ROBO1: variants seen among roughly 807,000 people sequenced by gnomAD.
ROBO1 encodes roundabout homolog 1.
In ROBO1, 149 loss-of-function variants were observed where a neutral mutation model predicts 195.9. The ratio of observed to expected loss-of-function variants is 0.76; its 90% CI spans 0.67 to 0.87. The LOEUF is 0.87. Among genes scored for constraint, ROBO1 ranks in the 40% least tolerant of loss-of-function variants. The probability of loss-of-function intolerance (pLI) is 0.00; values close to 1 mark genes in which losing one functional copy is unlikely to be tolerated. For synonymous variants in ROBO1, 816 were observed against 733.2 expected (o/e 1.11, Z -1.82); for missense variants, 1,933 against 2,068.3 (o/e 0.93, Z 1.27).
chr3:79,284,556 C>T (rs1022983062), intron 2 of ROBO1, among the ~76,000 whole-genome samples: 2 of 152,060 alleles, frequency 1.3e-5, no homozygotes, highest in African/African-American at 4.8e-5. Context: ...AGTCAAAATA[C>T]TTCGTAGTAT....
intron 2 of ROBO1, among the ~76,000 whole-genome samples, chr3:79,398,986 C>T (rs1393451883): frequency 1.3e-5 from 2 of 151,902 alleles, no homozygotes; most frequent in African/African-American, 4.8e-5. Flanking sequence ...GAGTGAATGC[C>T]TGTCTTAAGG....
intron 10 of ROBO1, among the ~76,000 whole-genome samples, chr3:78,681,893 A>AAAT (rs539768861): frequency 4.6e-5 from 7 of 152,080 alleles, no homozygotes; most frequent in Non-Finnish European, 8.8e-5. Flanking sequence ...CTCAGTCTCA[A>AAAT]AATAAAAAAG....
chr3:79,037,131 G>C (rs1183443206), intron 3 of ROBO1, among the ~76,000 whole-genome samples: 2 of 152,158 alleles, frequency 1.3e-5, no homozygotes, highest in East Asian at 3.9e-4. Flanking sequence ...AAATAGGGTG[G>C]ACACAGTTGG....
At chr3:79,385,857 G>A (rs2106661726) in intron 2 of ROBO1, among the ~76,000 whole-genome samples, 1 of 152,182 alleles carries the variant, frequency 6.6e-6, no homozygotes, top group Non-Finnish European at 1.5e-5. Flanking sequence ...AAATGGTATA[G>A]GCTATAATAA....
intron 2 of ROBO1, among the ~76,000 whole-genome samples, chr3:79,145,402 CACAGACAT>C (rs1226127410): frequency 2.7e-5 from 4 of 148,158 alleles, no homozygotes; most frequent in Non-Finnish European, 4.5e-5. Context: ...CACACACACA[CACAGACAT>C]AAATAACAGT....
intron 1 of ROBO1, among the ~76,000 whole-genome samples, chr3:79,612,962 A>T (rs1371310310): frequency 5.4e-5 from 2 of 36,710 alleles, no homozygotes; most frequent in Non-Finnish European, 1.2e-4. Flanking sequence ...AAACATAAAA[A>T]TCATGTAGTA....
chr3:79,604,984 G>C (rs953996811), intron 1 of ROBO1, among the ~76,000 whole-genome samples: 1 of 151,938 alleles, frequency 6.6e-6, no homozygotes, highest in Non-Finnish European at 1.5e-5. Flanking sequence ...AAGAAGAGTT[G>C]TCTCTACTCA....
chr3:79,237,890 A>G (rs976737878), intron 2 of ROBO1, among the ~76,000 whole-genome samples: 12 of 152,204 alleles, frequency 7.9e-5, no homozygotes, highest in South Asian at 2.1e-4. Flanking sequence ...AACACTCAGC[A>G]GCTCATATTG....
chr3:79,400,469 G>T (rs1321424704), intron 2 of ROBO1, among the ~76,000 whole-genome samples: 1 of 151,902 alleles, frequency 6.6e-6, no homozygotes, highest in Non-Finnish European at 1.5e-5. Context: ...CCCCCATCAC[G>T]CAAATCATGT....
chr3:79,106,903 T>G (rs1469053490), intron 3 of ROBO1, among the ~76,000 whole-genome samples: 1 of 151,612 alleles, frequency 6.6e-6, no homozygotes, highest in Non-Finnish European at 1.5e-5. Context: ...CTTCAAATAT[T>G]CCTCCCTACT....
At chr3:79,591,628 G>A (rs1944001930) in intron 1 of ROBO1, among the ~76,000 whole-genome samples, 1 of 151,766 alleles carries the variant, frequency 6.6e-6, no homozygotes, top group Admixed American at 6.6e-5. Flanking sequence ...TATAAACCTA[G>A]ATTAATATTT....
At chr3:79,564,380 CAT>C (rs1410909018) in intron 2 of ROBO1, among the ~76,000 whole-genome samples, 3 of 151,964 alleles carry the variant, frequency 2.0e-5, no homozygotes, top group African/African-American at 7.2e-5. Flanking sequence ...AGGCAGTAAT[CAT>C]ATGTCATCCC....
At chr3:78,842,130 C>T (rs112475696) in intron 4 of ROBO1, among the ~76,000 whole-genome samples, 3 of 135,362 alleles carry the variant, frequency 2.2e-5, no homozygotes, top group East Asian at 2.4e-4. Context: ...CAGAATGAAT[C>T]GCCAATTTGT....
intron 2 of ROBO1, among the ~76,000 whole-genome samples, chr3:79,407,072 C>T (rs1196248661): frequency 1.3e-5 from 2 of 152,054 alleles, no homozygotes; most frequent in African/African-American, 2.4e-5. Flanking sequence ...GCACCAGCTA[C>T]CATGCCTTGC....
intron 2 of ROBO1, among the ~76,000 whole-genome samples, chr3:79,226,908 G>A (rs1184668095): frequency 5.3e-5 from 8 of 151,844 alleles, no homozygotes; most frequent in South Asian, 2.1e-4. Context: ...TCTTCCTTCC[G>A]GTTATAACAA....
At position 78,661,116 on chromosome 3, in the gene ROBO1, A is replaced by T; in HGVS notation, c.2234T>A (p.Val745Asp). Reference sequence around the variant, plus strand: ...AGGGCGAGCCTTAATTTCATAGTTGACTCCCTTTCTGAGATCAGGGATTAC... The same window carrying T: ...AGGGCGAGCCTTAATTTCATAGTTGTCTCCCTTTCTGAGATCAGGGATTAC... ...SVVIPDLRKGVNYEIKARPFF... is the reference protein window; with the variant it reads ...SVVIPDLRKGDNYEIKARPFF... Residue 745 changes from valine to aspartate, a missense_variant, in exon 16 of 31, where the codon GTC becomes GAC. By Grantham distance (152) the Val-to-Asp change is radical (BLOSUM62 -3). Coordinates refer to ENST00000464233, the MANE Select transcript of ROBO1 (RefSeq NM_002941.4). The T allele has an allele frequency of 1.2e-6, 2 of 1,612,776 alleles. No homozygotes were observed. The highest frequency in any genetic ancestry group is 1.7e-6 in the Non-Finnish European group (2 of 1,179,430).
At chr3:78,810,287 C>G (rs1036749583) in intron 4 of ROBO1, among the ~76,000 whole-genome samples, 1 of 152,124 alleles carries the variant, frequency 6.6e-6, no homozygotes, top group African/African-American at 2.4e-5. Context: ...CAACTGTTAT[C>G]CCTTGTCCAA....
intron 5 of ROBO1, among the ~76,000 whole-genome samples, chr3:78,744,483 C>T (rs2082608135): frequency 1.3e-5 from 2 of 152,188 alleles, no homozygotes; most frequent in Admixed American, 1.3e-4. Flanking sequence ...CCTGTAAGAG[C>T]CTACGCAGTT....
rs1427059140 is a variant in ROBO1, at chr3:78,812,774, GTA to G, written c.500-65876_500-65875del. Among the ~76,000 whole-genome samples, 8 of 152,184 alleles carry G rather than the reference GTA, an allele frequency of 5.3e-5. No homozygotes were observed. In the East Asian group the frequency reaches 1.4e-3, roughly 26 times the overall value. On this transcript the variant is annotated intron_variant, in intron 4 of 30. Transcript: ENST00000464233. ...CTAAATTAATATTCACTTGAATAGTGTATGATAAATATAATACAATTGAACTA... is the reference window on the plus strand; with the variant it reads ...CTAAATTAATATTCACTTGAATAGTGTGATAAATATAATACAATTGAACTA...
Sources: allele counts gnomAD v4.1 joint callset (sites outside exome capture counted in the v4.1 genomes callset), GRCh38; gene constraint gnomAD v4.1.1; transcripts MANE v1.5; gene names NCBI Gene and HGNC (gene_info 2026-07-23, HGNC 2026-07-21).